The following KCNQ5 variants were observed in gnomAD, a reference collection of about 807,000 sequenced individuals.
KCNQ5 encodes the protein potassium voltage-gated channel subfamily Q member 5, also known as potassium voltage-gated channel subfamily KQT member 5.
In KCNQ5, 30 loss-of-function variants were observed where a neutral mutation model predicts 98.2. The observed-to-expected ratio is 0.31, with a 90% CI of 0.23 to 0.41. The LOEUF (loss-of-function observed/expected upper bound fraction) is 0.41. KCNQ5 is among the 10% of genes least tolerant of loss of function. KCNQ5 has a pLI of 1.00. For missense variants in KCNQ5, 835 were observed against 1,182.5 expected (o/e 0.71, Z 4.31); for synonymous variants, 458 against 449.4 (o/e 1.02, Z -0.24).
At position 72,970,671 on chromosome 6, in the gene KCNQ5, C is replaced by A. The variant is rs1354348732; in HGVS notation, c.399-33237C>A. Among the ~76,000 whole-genome samples the A allele has an allele frequency of 2.0e-5, 3 of 152,274 alleles. No individual in the cohort carries two copies. The East Asian group carries it at 5.8e-4, about 29-fold the overall frequency. On this transcript the variant is annotated intron_variant, in intron 1 of 13. Transcript: ENST00000370398. ...AGAGATATAGACTAATGGAACAGAA[C>A]AGAGCCCTCAGAAATAATACCACAC... is the stretch of plus-strand genomic sequence containing the variant.
intron 1 of KCNQ5, among the ~76,000 whole-genome samples, chr6:72,843,467 C>G (rs1261563801): frequency 6.6e-6 from 1 of 152,084 alleles, no homozygotes; most frequent in African/African-American, 2.4e-5. Flanking sequence ...GCTATATGGG[C>G]TCTGTTTTGG....
chr6:73,042,675 A>C (rs1771767581), intron 3 of KCNQ5, among the ~76,000 whole-genome samples: 1 of 152,068 alleles, frequency 6.6e-6, no homozygotes, highest in Admixed American at 6.6e-5. Context: ...AAAATACCCA[A>C]ATACATAGCA....
intron 1 of KCNQ5, among the ~76,000 whole-genome samples, chr6:72,770,733 G>A (rs149793746): frequency 1.7e-3 from 252 of 152,104 alleles, no homozygotes; most frequent in African/African-American, 5.9e-3. Flanking sequence ...ATTTGCATGC[G>A]AATATCATTT....
chr6:72,986,545 C>A, intron 1 of KCNQ5: 1 of 579,810 alleles, frequency 1.7e-6, no homozygotes, highest in South Asian at 2.6e-5. Flanking sequence ...CCTGAGATGC[C>A]TCTAGTGAAG....
At chr6:72,903,577 T>G (rs1295151511) in intron 1 of KCNQ5, among the ~76,000 whole-genome samples, 1 of 152,212 alleles carries the variant, frequency 6.6e-6, no homozygotes, top group Non-Finnish European at 1.5e-5. Context: ...TGTCTTGATT[T>G]CATTTTTGAC....
intron 1 of KCNQ5, among the ~76,000 whole-genome samples, chr6:72,967,515 G>T (rs1767677531): frequency 1.3e-5 from 2 of 151,956 alleles, no homozygotes; most frequent in Non-Finnish European, 2.9e-5. Flanking sequence ...ACCATATGAT[G>T]CAATCAACGG....
At chr6:73,183,043 G>T (rs555833836) in intron 11 of KCNQ5, among the ~76,000 whole-genome samples, 1 of 152,274 alleles carries the variant, frequency 6.6e-6, no homozygotes, top group South Asian at 2.1e-4. Context: ...CCAAGTATGG[G>T]ATCCCCTCTG....
intron 1 of KCNQ5, among the ~76,000 whole-genome samples, chr6:72,959,855 G>T (rs1185122363): frequency 6.6e-6 from 1 of 152,192 alleles, no homozygotes; most frequent in South Asian, 2.1e-4. Flanking sequence ...CCAAAGCACA[G>T]AAGTGTGAAA....
At chr6:72,679,402 G>A (rs1007632574) in intron 1 of KCNQ5, among the ~76,000 whole-genome samples, 159 of 152,216 alleles carry the variant, frequency 1.0e-3, no homozygotes, top group African/African-American at 3.6e-3. Context: ...CATAAAAAAT[G>A]ATGAGTTCAT....
chr6:72,903,140 T>C (rs975710993), intron 1 of KCNQ5, among the ~76,000 whole-genome samples: 1 of 152,114 alleles, frequency 6.6e-6, no homozygotes, highest in Non-Finnish European at 1.5e-5. Flanking sequence ...ATAGTAACCT[T>C]GAAAGATCTT....
intron 1 of KCNQ5, among the ~76,000 whole-genome samples, chr6:72,683,236 T>C (rs1352936004): frequency 6.6e-6 from 1 of 152,084 alleles, no homozygotes; most frequent in African/African-American, 2.4e-5. Flanking sequence ...TTTCTGAGGC[T>C]CTCAGAATCC....
intron 1 of KCNQ5, among the ~76,000 whole-genome samples, chr6:72,746,100 A>T (rs917362814): frequency 2.1e-5 from 3 of 140,250 alleles, no homozygotes; most frequent in Non-Finnish European, 4.7e-5. Context: ...AAAAAAAAAA[A>T]AAAAGGGTCA....
At chr6:72,942,702 G>A (rs772032659) in intron 1 of KCNQ5, among the ~76,000 whole-genome samples, 11 of 152,172 alleles carry the variant, frequency 7.2e-5, no homozygotes, top group Non-Finnish European at 1.6e-4. Context: ...TGTTCACTGT[G>A]GTGCTATGGG....
chr6:73,002,196 A>G (rs1211401500), intron 1 of KCNQ5, among the ~76,000 whole-genome samples: 2 of 152,226 alleles, frequency 1.3e-5, no homozygotes, highest in Non-Finnish European at 2.9e-5. Context: ...AGGTTTTTTC[A>G]CTAGCAGGCT....
intron 1 of KCNQ5, among the ~76,000 whole-genome samples, chr6:72,691,271 A>G (rs1320188034): frequency 6.6e-6 from 1 of 152,240 alleles, no homozygotes; most frequent in Non-Finnish European, 1.5e-5. Context: ...TTTCATAAGT[A>G]TCATTTAAAA....
chr6:73,183,058 GAC>G (rs917987637), intron 11 of KCNQ5, among the ~76,000 whole-genome samples: 2 of 152,180 alleles, frequency 1.3e-5, no homozygotes, highest in Admixed American at 6.5e-5. Context: ...CCTCTGGAAA[GAC>G]AAGGACAGAG....
At chr6:72,758,118 G>A (rs1322886447) in intron 1 of KCNQ5, among the ~76,000 whole-genome samples, 1 of 151,892 alleles carries the variant, frequency 6.6e-6, no homozygotes, top group Admixed American at 6.6e-5. Flanking sequence ...CACTGAAGAT[G>A]GAGATCATTG....
intron 1 of KCNQ5, among the ~76,000 whole-genome samples, chr6:72,979,888 A>G (rs1247063029): frequency 6.6e-6 from 1 of 152,166 alleles, no homozygotes; most frequent in South Asian, 2.1e-4. Context: ...TCAGCTTTCT[A>G]CATATGGCTA....
At chr6:73,173,752 C>T (rs1778100490) in intron 11 of KCNQ5, among the ~76,000 whole-genome samples, 1 of 150,828 alleles carries the variant, frequency 6.6e-6, no homozygotes, top group South Asian at 2.1e-4. Flanking sequence ...GAATTCAAGA[C>T]CAGCCTGGGC....
Sources: gnomAD v4.1 joint callset for allele counts (sites outside exome capture counted in the v4.1 genomes callset) on GRCh38, gnomAD v4.1.1 for gene constraint, MANE v1.5 for transcripts, NCBI Gene and HGNC (gene_info 2026-07-23, HGNC 2026-07-21) for gene names.